Variants in FAF1 observed in about 807,000 individuals in gnomAD.
FAF1 encodes the protein Fas associated factor 1.
FAF1 carries 25 observed loss-of-function variants against 92.5 expected under a neutral mutation model. The observed-to-expected ratio is 0.27, with a 90% CI of 0.20 to 0.38. The LOEUF (loss-of-function observed/expected upper bound fraction) is 0.38, where lower values mean the gene tolerates loss of function less well. FAF1 is among the 10% of genes least tolerant of loss of function. The pLI, the probability that FAF1 is intolerant of heterozygous loss-of-function variation, is 1.00. For missense variants in FAF1, 636 were observed against 793.3 expected (o/e 0.80, Z 2.38); for synonymous variants, 234 against 273.2 (o/e 0.86, Z 1.42).
intron 7 of FAF1, among the ~76,000 whole-genome samples, chr1:50,682,169 A>G (rs1289424684): frequency 6.6e-6 from 1 of 152,008 alleles, no homozygotes; most frequent in East Asian, 1.9e-4. Context: ...CTGATGCCAA[A>G]GGATGTACCT....
chr1:50,886,382 C>G (rs1172945322), intron 1 of FAF1, among the ~76,000 whole-genome samples: 2 of 151,896 alleles, frequency 1.3e-5, no homozygotes, highest in Non-Finnish European at 2.9e-5. Context: ...TTTCCTTCAG[C>G]TTTTTAATTA....
chr1:50,561,421 G>A (rs950452907), intron 13 of FAF1, among the ~76,000 whole-genome samples: 3 of 152,140 alleles, frequency 2.0e-5, no homozygotes, highest in African/African-American at 7.2e-5. Context: ...CACAATTAGA[G>A]GAATGTAGCT....
chr1:50,652,075 TG>T (rs1654888646), intron 8 of FAF1, among the ~76,000 whole-genome samples: 1 of 152,156 alleles, frequency 6.6e-6, no homozygotes, highest in Non-Finnish European at 1.5e-5. Context: ...ACATTTGCTC[TG>T]GGGAGGTGTG....
intron 4 of FAF1, among the ~76,000 whole-genome samples, 186 bp downstream of exon 4, chr1:50,787,814 A>C (rs1661416922): frequency 6.6e-6 from 1 of 152,198 alleles, no homozygotes; most frequent in Admixed American, 6.6e-5. Flanking sequence ...AATTATTCTC[A>C]AACTTACCTC....
At chr1:50,677,059 G>A (rs946053777) in intron 7 of FAF1, among the ~76,000 whole-genome samples, 1 of 152,052 alleles carries the variant, frequency 6.6e-6, no homozygotes, top group African/African-American at 2.4e-5. Context: ...ATGCACATTA[G>A]TCACTTTATA....
At position 50,811,801 on chromosome 1, in the gene FAF1, T is replaced by C. The variant is rs1288137957; in HGVS notation, c.115-10124A>G. Among the ~76,000 whole-genome samples the C allele has an allele frequency of 2.0e-5, 3 of 152,126 alleles. No individual in the cohort carries two copies. The South Asian group carries it at 6.2e-4, about 32-fold the overall frequency. ...AAGCAAAAAACTGGAGGCACCACAT[T>C]ACCTGACTTCAAACTATACCATAAA... On this transcript the variant is annotated intron_variant, in intron 2 of 18. Transcript: ENST00000396153.
chr1:50,612,890 G>GCC (rs1462965452), intron 8 of FAF1, among the ~76,000 whole-genome samples: 1 of 152,162 alleles, frequency 6.6e-6, no homozygotes, highest in African/African-American at 2.4e-5. Flanking sequence ...TTATTGTGAA[G>GCC]CTCTAGAATT....
At chr1:50,630,180 A>G (rs540039934) in intron 8 of FAF1, among the ~76,000 whole-genome samples, 1 of 152,348 alleles carries the variant, frequency 6.6e-6, no homozygotes, top group Non-Finnish European at 1.5e-5. Context: ...ACAGAAGTCA[A>G]GAGAATGGTT....
intron 1 of FAF1, among the ~76,000 whole-genome samples, chr1:50,890,084 T>A (rs1019897711): frequency 1.3e-5 from 2 of 152,212 alleles, no homozygotes; most frequent in Non-Finnish European, 2.9e-5. Flanking sequence ...GATAGTTAGC[T>A]CTTCTTGTTG....
chr1:50,600,375 G>A (rs1220503910), intron 8 of FAF1, among the ~76,000 whole-genome samples: 1 of 152,088 alleles, frequency 6.6e-6, no homozygotes, highest in African/African-American at 2.4e-5. Context: ...ATTATGTATG[G>A]ATAAAGGTTT....
chr1:50,926,862 C>T (rs1645009948), intron 1 of FAF1, among the ~76,000 whole-genome samples: 1 of 152,176 alleles, frequency 6.6e-6, no homozygotes, highest in Non-Finnish European at 1.5e-5. Context: ...AATGTATAAA[C>T]AACTCAAATG....
At chr1:50,914,302 G>C (rs1644906000) in intron 1 of FAF1, among the ~76,000 whole-genome samples, 1 of 152,128 alleles carries the variant, frequency 6.6e-6, no homozygotes, top group Non-Finnish European at 1.5e-5. Context: ...TGATACCAAA[G>C]GCATGTAAAT....
At chr1:50,912,484 C>G (rs1362733005) in intron 1 of FAF1, among the ~76,000 whole-genome samples, 1 of 152,194 alleles carries the variant, frequency 6.6e-6, no homozygotes, top group African/African-American at 2.4e-5. Context: ...TAGAAAACCA[C>G]TTTAACTCAG....
rs547538834 is a variant in FAF1 at position 50,914,785 on chromosome 1, G to A, written c.45+44982C>T. Among the ~76,000 whole-genome samples the A allele has an allele frequency of 1.2e-4, 18 of 152,214 alleles. No individual in the cohort carries two copies. In the South Asian group the frequency reaches 3.7e-3, roughly 32 times the overall value. ...CCTTCTATCTCGCTATCAAAGTAAT[G>A]TCCAAATGGTCATCCTAGACCTCCC... is the stretch of plus-strand genomic sequence containing the variant. On this transcript the variant is annotated intron_variant, in intron 1 of 18. Transcript: ENST00000396153.
intron 8 of FAF1, among the ~76,000 whole-genome samples, chr1:50,613,655 A>G (rs1652777228): frequency 6.6e-6 from 1 of 152,238 alleles, no homozygotes; most frequent in Non-Finnish European, 1.5e-5. Flanking sequence ...ACATAAGAAT[A>G]ATACACAAGG....
At chr1:50,754,340 T>A (rs2124515450) in intron 4 of FAF1, among the ~76,000 whole-genome samples, 1 of 152,344 alleles carries the variant, frequency 6.6e-6, no homozygotes, top group Non-Finnish European at 1.5e-5. Context: ...CAGTATTTAA[T>A]CTTGTACTAG....
chr1:50,644,520 T>G (rs1245189051), intron 8 of FAF1, among the ~76,000 whole-genome samples: 4 of 152,266 alleles, frequency 2.6e-5, no homozygotes, highest in African/African-American at 9.6e-5. Context: ...TTTTCTCTGC[T>G]GGTAGTCTGC....
At chr1:50,861,622 G>A (rs1435410086) in intron 1 of FAF1, among the ~76,000 whole-genome samples, 1 of 151,648 alleles carries the variant, frequency 6.6e-6, no homozygotes, top group African/African-American at 2.4e-5. Flanking sequence ...TCAGGTGATA[G>A]GTACACTAAA....
chr1:50,748,518 A>C (rs1318824187), intron 4 of FAF1, among the ~76,000 whole-genome samples: 1 of 152,026 alleles, frequency 6.6e-6, no homozygotes, highest in African/African-American at 2.4e-5. Context: ...AAAAGAAAAA[A>C]AGAAAAATGA....
Sources: allele counts gnomAD v4.1 joint callset (sites outside exome capture counted in the v4.1 genomes callset), GRCh38; gene constraint gnomAD v4.1.1; transcripts MANE v1.5; gene names NCBI Gene and HGNC (gene_info 2026-07-23, HGNC 2026-07-21).